Variants in CACNA1C observed in about 807,000 individuals in gnomAD.
CACNA1C encodes the protein calcium voltage-gated channel subunit alpha1 C.
In CACNA1C, 30 loss-of-function variants were observed where a neutral mutation model predicts 229.0. That is an observed-to-expected ratio of 0.13 (90% CI 0.10 to 0.18). CACNA1C has a LOEUF of 0.18. Ranked by LOEUF, CACNA1C falls within the 10% of genes least tolerant of loss-of-function variation. The pLI, the probability that CACNA1C is intolerant of heterozygous loss-of-function variation, is 1.00. For synonymous variants in CACNA1C, 1,114 were observed against 1,132.5 expected (o/e 0.98, Z 0.33); for missense variants, 1,658 against 2,845.0 (o/e 0.58, Z 9.49).
At chr12:2,652,777 G>C (rs909248233) in intron 32 of CACNA1C, among the ~76,000 whole-genome samples, 25 of 152,252 alleles carry the variant, frequency 1.6e-4, no homozygotes, top group Admixed American at 1.1e-3. Context: ...TCTGAGCCCA[G>C]CTCAGCCCAG....
chr12:2,290,280 G>A (rs182058812), intron 3 of CACNA1C, among the ~76,000 whole-genome samples: 235 of 152,266 alleles, frequency 1.5e-3, no homozygotes, highest in Non-Finnish European at 2.0e-3. Context: ...TTGGGGGCAG[G>A]GTATGATAAA....
chr12:2,502,755 C>A (rs2154576672), intron 7 of CACNA1C, among the ~76,000 whole-genome samples: 1 of 152,286 alleles, frequency 6.6e-6, no homozygotes, highest in South Asian at 2.1e-4. Flanking sequence ...CATGTTTATC[C>A]AGCGTACTTA....
chr12:2,539,026 A>C (rs1349929026), intron 9 of CACNA1C, among the ~76,000 whole-genome samples: 1 of 152,130 alleles, frequency 6.6e-6, no homozygotes, highest in African/African-American at 2.4e-5. Context: ...AAAGGCCTGG[A>C]CTCAAGACCT....
chr12:2,274,632 C>T (rs1209373674), intron 3 of CACNA1C, among the ~76,000 whole-genome samples: 1 of 152,206 alleles, frequency 6.6e-6, no homozygotes, highest in Non-Finnish European at 1.5e-5. Context: ...TTCCTGTATC[C>T]TGTTTTCACA....
chr12:2,448,893 C>T, intron 3 of CACNA1C, 83 bp from the exon 4 acceptor site: 4 of 1,193,442 alleles, frequency 3.4e-6, no homozygotes, highest in Middle Eastern at 2.0e-4. Flanking sequence ...CTTCCACCTA[C>T]TTGTGAGATC....
intron 9 of CACNA1C, among the ~76,000 whole-genome samples, chr12:2,525,944 C>A (rs573151407): frequency 6.6e-6 from 1 of 152,198 alleles, no homozygotes; most frequent in African/African-American, 2.4e-5. Flanking sequence ...CCAGAAACAA[C>A]AGAGAATCTG....
chr12:2,425,325 T>C (rs2099019313), intron 3 of CACNA1C, among the ~76,000 whole-genome samples: 1 of 152,140 alleles, frequency 6.6e-6, no homozygotes, highest in African/African-American at 2.4e-5. Context: ...TTTGGAAAAA[T>C]ACACACAAAG....
At chr12:2,155,019 C>T (rs1566022053) in intron 3 of CACNA1C, among the ~76,000 whole-genome samples, 2 of 152,144 alleles carry the variant, frequency 1.3e-5, no homozygotes, top group Admixed American at 6.5e-5. Flanking sequence ...GTTGAGTTAT[C>T]GGGAGATGAA....
chr12:2,369,180 C>A (rs917102702), intron 3 of CACNA1C, among the ~76,000 whole-genome samples: 9 of 152,150 alleles, frequency 5.9e-5, no homozygotes, highest in Non-Finnish European at 1.3e-4. Flanking sequence ...TACTAGAAAA[C>A]AAAATCTGTT....
intron 3 of CACNA1C, among the ~76,000 whole-genome samples, chr12:2,192,936 A>C (rs946099491): frequency 6.6e-6 from 1 of 152,246 alleles, no homozygotes; most frequent in East Asian, 1.9e-4. Flanking sequence ...AAGAGAGTTC[A>C]TCAGGTACAA....
At chr12:2,007,979 G>T (rs1489878125) in intron 1 of CACNA1C, among the ~76,000 whole-genome samples, 2 of 152,182 alleles carry the variant, frequency 1.3e-5, no homozygotes, top group African/African-American at 4.8e-5. Flanking sequence ...AACAGTCATT[G>T]TAATAAAAGA....
chr12:2,531,604 G>A (rs1246369748), intron 9 of CACNA1C, among the ~76,000 whole-genome samples: 1 of 152,148 alleles, frequency 6.6e-6, no homozygotes, highest in Non-Finnish European at 1.5e-5. Flanking sequence ...GCAAAGAGAC[G>A]CTTCTCCCAT....
intron 3 of CACNA1C, among the ~76,000 whole-genome samples, chr12:2,194,610 A>G (rs1283275453): frequency 6.6e-6 from 1 of 151,750 alleles, no homozygotes; most frequent in East Asian, 1.9e-4. Flanking sequence ...GCTCTGTGAC[A>G]TTCTTGTTTA....
At chr12:2,312,436 T>A (rs1332372145) in intron 3 of CACNA1C, among the ~76,000 whole-genome samples, 1 of 152,194 alleles carries the variant, frequency 6.6e-6, no homozygotes, top group African/African-American at 2.4e-5. Context: ...CAAAGCACTG[T>A]AATCTCTCCA....
At chr12:2,570,090 A>G (rs2053537329) in intron 13 of CACNA1C, among the ~76,000 whole-genome samples, 1 of 152,204 alleles carries the variant, frequency 6.6e-6, no homozygotes, top group Non-Finnish European at 1.5e-5. Flanking sequence ...GTTATGATCA[A>G]CCTTAGAAGA....
chr12:2,543,338 T>C lies in CACNA1C; in HGVS notation c.1391-6605T>C, dbSNP rs571718883. On this transcript the variant is annotated intron_variant, in intron 9 of 46. Coordinates refer to ENST00000399655, the MANE Select transcript of CACNA1C (RefSeq NM_000719.7). ...AAGCAAGTTGGCTTTAGAGAAAAGG[T>C]GCCCCTTAGTTTCCAACCAACTCAT... 4.6e-5 allele frequency among the ~76,000 whole-genome samples: 7 copies of C among 152,286 alleles called. No individual in the cohort carries two copies. The East Asian group carries it at 1.2e-3, about 25-fold the overall frequency.
chr12:2,551,525 C>T (rs116074726), intron 10 of CACNA1C, among the ~76,000 whole-genome samples: 87 of 152,298 alleles, frequency 5.7e-4, no homozygotes, highest in African/African-American at 2.0e-3. Context: ...TGGTCTTTCC[C>T]CATCTCCCTA....
At chr12:2,415,529 A>G (rs1486887890) in intron 3 of CACNA1C, among the ~76,000 whole-genome samples, 1 of 152,196 alleles carries the variant, frequency 6.6e-6, no homozygotes, top group Non-Finnish European at 1.5e-5. Flanking sequence ...GAAAATAAAA[A>G]ACAGTACTGG....
At chr12:2,582,741 G>A (rs1223768587) in intron 14 of CACNA1C, 81 bp from the exon 15 acceptor site, 3 of 1,497,170 alleles carry the variant, frequency 2.0e-6, no homozygotes, top group Admixed American at 1.8e-5. Context: ...TTTTGTTGAC[G>A]TAGTGGGGCA....
Sources: gnomAD v4.1 joint callset for allele counts (sites outside exome capture counted in the v4.1 genomes callset) on GRCh38, gnomAD v4.1.1 for gene constraint, MANE v1.5 for transcripts, NCBI Gene and HGNC (gene_info 2026-07-23, HGNC 2026-07-21) for gene names.